GBF1: variants seen among roughly 807,000 people sequenced by gnomAD.
GBF1 encodes golgi brefeldin A resistant guanine nucleotide exchange factor 1.
Under a neutral mutation model 210.5 loss-of-function variants are expected in GBF1, and 114 were observed. That is an observed-to-expected ratio of 0.54 (90% CI 0.47 to 0.63). The LOEUF (loss-of-function observed/expected upper bound fraction) is 0.63, where lower values mean the gene tolerates loss of function less well. Among genes scored for constraint, GBF1 ranks in the 30% least tolerant of loss-of-function variants. The pLI is 0.00. For missense variants in GBF1, 1,851 were observed against 2,357.7 expected (o/e 0.79, Z 4.45); for synonymous variants, 850 against 889.2 (o/e 0.96, Z 0.78).
Position 102,366,413 on chromosome 10 carries a change from CGAAGCCCTCCGCCTCTACCTG to C in GBF1, c.2347_2367del (p.Leu783_Ala789del). On this transcript the variant is annotated inframe_deletion, in exon 19 of 40. Transcript: ENST00000369983. The surrounding 1 kb of genome is among the most constrained non-coding windows in gnomAD (Gnocchi z 4.0). ...TCAGTTTTCAGGGTCTGCGACTGGA[CGAAGCCCTCCGCCTCTACCTG>C]GAAGCCTTCCGTTTGCCTGGGGAAG... The C allele has an allele frequency of 1.2e-6, 2 of 1,613,952 alleles. No individual in the cohort carries two copies. Among genetic ancestry groups the C allele is most frequent in the Non-Finnish European group, 1.7e-6 (2 of 1,179,876 alleles).
At chr10:102,231,825 C>T in the GBF1 span, 1,443 of 1,592,660 alleles carry the variant, frequency 9.1e-4, 2 homozygotes, top group South Asian at 1.2e-3. Flanking sequence ...CACAGAGCGC[C>T]CAAGCCAGCG....
At chr10:102,349,231 G>A (rs534880747) in intron 4 of GBF1, among the ~76,000 whole-genome samples, 66 of 152,112 alleles carry the variant, frequency 4.3e-4, no homozygotes, top group Non-Finnish European at 8.5e-4. Flanking sequence ...CTGATTTCAG[G>A]TACCAAGAAA....
intron 3 of GBF1, among the ~76,000 whole-genome samples, chr10:102,316,991 C>G (rs957810225): frequency 4.6e-5 from 7 of 152,138 alleles, no homozygotes; most frequent in African/African-American, 1.4e-4. Context: ...TCATTTTTAG[C>G]TATTCATGAA....
chr10:102,369,715 A>G lies in GBF1; in HGVS notation c.3155A>G (p.Glu1052Gly), dbSNP rs2060103025. ...TATTTTGACTTACTTTTCCAGGTAG[A>G]AGATTTCGTGGATCCCAATGGCAAG... Reference protein sequence around the residue: ...QLLPKAMIEVEDFVDPNGKIS... With the variant: ...QLLPKAMIEVGDFVDPNGKIS... The change falls in exon 25 of 40, where the codon GAA becomes GGA. Residue 1052 changes from glutamate to glycine, a missense_variant. By Grantham distance (98) the Glu-to-Gly change is moderately conservative. Transcript: ENST00000369983. The G allele has an allele frequency of 1.2e-6, 2 of 1,614,004 alleles. No homozygotes were observed. Among genetic ancestry groups the G allele is most frequent in the Non-Finnish European group, 1.7e-6 (2 of 1,179,812 alleles).
chr10:102,318,053 C>T (rs1358635697), intron 3 of GBF1, among the ~76,000 whole-genome samples: 2 of 151,750 alleles, frequency 1.3e-5, no homozygotes, highest in African/African-American at 4.8e-5. Context: ...GGACTACAGG[C>T]GCCTGCCACC....
At chr10:102,368,678 C>T (rs1013422793) in intron 22 of GBF1, 61 bp from the exon 23 acceptor site, 4 of 1,190,540 alleles carry the variant, frequency 3.4e-6, no homozygotes, top group Non-Finnish European at 5.0e-6. Flanking sequence ...AGCTCAGGGA[C>T]TTGGAAGGGC....
At chr10:102,321,633 G>A (rs1433640045) in intron 3 of GBF1, among the ~76,000 whole-genome samples, 4 of 151,736 alleles carry the variant, frequency 2.6e-5, no homozygotes, top group African/African-American at 7.3e-5. Context: ...ATAATGGCAC[G>A]ATCTCAGCTC....
chr10:102,242,601 C>T (rs1590409886), upstream of GBF1, among the ~76,000 whole-genome samples: 1 of 152,208 alleles, frequency 6.6e-6, no homozygotes, highest in Admixed American at 6.5e-5. Flanking sequence ...CTTCTCTTCT[C>T]CCAGTTAGGC....
At chr10:102,254,662 T>C (rs911624356) in intron 1 of GBF1, among the ~76,000 whole-genome samples, 1 of 152,204 alleles carries the variant, frequency 6.6e-6, no homozygotes, top group African/African-American at 2.4e-5. Flanking sequence ...ACTCAGAGTC[T>C]CTGGGCCAGT....
chr10:102,264,974 G>A (rs1210397737), intron 3 of GBF1, among the ~76,000 whole-genome samples: 5 of 152,156 alleles, frequency 3.3e-5, no homozygotes, highest in African/African-American at 1.2e-4. Flanking sequence ...AATCTTTTGG[G>A]GCTCTTGCAT....
chr10:102,234,623 T>C, the GBF1 span, among the ~76,000 whole-genome samples: 1 of 152,148 alleles, frequency 6.6e-6, no homozygotes, highest in East Asian at 1.9e-4. Flanking sequence ...AGGGGTGCTC[T>C]GAAGTCTCCC....
chr10:102,376,489 T>C, intron 31 of GBF1, 57 bp downstream of exon 31: 1 of 1,611,384 alleles, frequency 6.2e-7, no homozygotes, highest in Non-Finnish European at 8.5e-7. Flanking sequence ...TGGGAAGAAT[T>C]CCTGGTCCTC....
chr10:102,359,096 C>T, intron 10 of GBF1, 171 bp from the exon 11 acceptor site: 1 of 617,004 alleles, frequency 1.6e-6, no homozygotes, highest in Non-Finnish European at 2.9e-6. Flanking sequence ...TTTTCTGAGT[C>T]CTTCATCATA....
Position 102,369,934 on chromosome 10 carries a change from C to G in GBF1, c.3289C>G (p.Pro1097Ala), listed in dbSNP as rs2060113945. 1 of 1,614,062 alleles carries G rather than the reference C, an allele frequency of 6.2e-7. No individual in the cohort carries two copies. The highest frequency in any genetic ancestry group is 2.2e-5 in the East Asian group (1 of 44,870). The change falls in exon 26 of 40, where the codon CCA becomes GCA. Residue 1097 changes from proline (P) to alanine (A), a missense_variant. By Grantham distance (27) the Pro-to-Ala change is conservative (BLOSUM62 -1). Around this residue, in one of 3 missense-constraint regions of GBF1, gnomAD observed 967 missense variants for 1,247.7 expected, o/e 0.78. Coordinates refer to ENST00000369983, the MANE Select transcript of GBF1 (RefSeq NM_001377137.1). ...SGPEQSSVRG[P>A]STENQEAKRV... The stretch of plus-strand genomic sequence containing the variant: ...TCCTGAGCAGTCTAGTGTTCGGGGC[C>G]CATCCACTGAAAACCAAGAGGCCAA...
intron 3 of GBF1, among the ~76,000 whole-genome samples, chr10:102,313,057 A>C (rs2078617084): frequency 6.6e-6 from 1 of 152,138 alleles, no homozygotes; most frequent in Admixed American, 6.5e-5. Context: ...GTGCTCACTT[A>C]GGCAGGGCCA....
intron 29 of GBF1, among the ~76,000 whole-genome samples, 153 bp from the exon 30 acceptor site, chr10:102,375,202 GAAAA>G (rs374953670): frequency 7.9e-6 from 1 of 126,384 alleles, no homozygotes. Flanking sequence ...ATTTCTATTT[GAAAA>G]AAAAAAAAAA....
the GBF1 span, among the ~76,000 whole-genome samples, chr10:102,233,277 C>T: frequency 1.4e-5 from 2 of 146,934 alleles, no homozygotes; most frequent in Non-Finnish European, 3.0e-5. Flanking sequence ...GTTTCGTTTA[C>T]GACTTCTTTC....
At chr10:102,370,014 G>A in intron 26 of GBF1, 30 bp downstream of exon 26, 1 of 1,612,538 alleles carries the variant, frequency 6.2e-7, no homozygotes, top group Non-Finnish European at 8.5e-7. Flanking sequence ...TGGTGAGAAA[G>A]CCTAAACACC....
chr10:102,378,443 C>G (rs1164741140), intron 33 of GBF1, among the ~76,000 whole-genome samples: 1 of 151,326 alleles, frequency 6.6e-6, no homozygotes, highest in African/African-American at 2.4e-5. Context: ...GGAAAAATAG[C>G]GAGACCCTGC....
Sources: allele counts gnomAD v4.1 joint callset (sites outside exome capture counted in the v4.1 genomes callset), GRCh38; gene constraint gnomAD v4.1.1; regional missense constraint gnomAD v4.1.1; non-coding constraint Gnocchi (gnomAD v3.1); transcripts MANE v1.5; gene names NCBI Gene and HGNC (gene_info 2026-07-23, HGNC 2026-07-21).